The following PRKCQ variants were observed in gnomAD, a reference collection of about 807,000 sequenced individuals.
The protein encoded by PRKCQ is protein kinase C theta.
PRKCQ carries 41 observed loss-of-function variants against 91.2 expected under a neutral mutation model. The observed-to-expected ratio is 0.45, with a 90% CI of 0.35 to 0.58. The LOEUF (loss-of-function observed/expected upper bound fraction) is 0.58. Ranked by LOEUF, PRKCQ falls within the 20% of genes least tolerant of loss-of-function variation. The pLI is 0.00. For synonymous variants in PRKCQ, 307 were observed against 316.9 expected, an observed-to-expected ratio of 0.97 and a Z score of 0.33; for missense variants, 673 against 896.5, an observed-to-expected ratio of 0.75 and a Z score of 3.18.
At chr10:6,443,063 G>A (rs565254234) in intron 15 of PRKCQ, among the ~76,000 whole-genome samples, 1 of 152,316 alleles carries the variant, frequency 6.6e-6, no homozygotes, top group East Asian at 1.9e-4. Context: ...TGTTAGGGAG[G>A]AGGATTTAAA....
the PRKCQ span, among the ~76,000 whole-genome samples, chr10:6,400,279 ACTGT>A: frequency 6.6e-6 from 1 of 152,138 alleles, no homozygotes; most frequent in Non-Finnish European, 1.5e-5. Context: ...TTTGTGATTT[ACTGT>A]CTGTCTTCCT....
chr10:6,561,020 CAG>C (rs1840609029), intron 1 of PRKCQ, among the ~76,000 whole-genome samples: 1 of 138,808 alleles, frequency 7.2e-6, no homozygotes. Context: ...GCCTGGGCGA[CAG>C]AGGGAGACTC....
chr10:6,514,258 T>C (rs544126978), intron 2 of PRKCQ, among the ~76,000 whole-genome samples: 1 of 152,158 alleles, frequency 6.6e-6, no homozygotes, highest in Non-Finnish European at 1.5e-5. Flanking sequence ...TCAGGAGAGT[T>C]GTGGGATCTA....
At chr10:6,459,456 T>C (rs1294048838) in intron 14 of PRKCQ, among the ~76,000 whole-genome samples, 1 of 152,140 alleles carries the variant, frequency 6.6e-6, no homozygotes, top group East Asian at 1.9e-4. Flanking sequence ...ATATCAGCTG[T>C]ATGGGTGGAA....
chr10:6,467,399 G>GAGAC (rs1835739535), intron 12 of PRKCQ, among the ~76,000 whole-genome samples: 1 of 95,336 alleles, frequency 1.0e-5, no homozygotes, highest in African/African-American at 3.4e-5. Context: ...CAGAGAGAGA[G>GAGAC]AGAGAGAGAG....
intron 1 of PRKCQ, among the ~76,000 whole-genome samples, chr10:6,526,926 G>A (rs1241911190): frequency 6.6e-6 from 1 of 152,184 alleles, no homozygotes. Context: ...GATGGTCGGA[G>A]GGCACCAGCA....
chr10:6,577,994 T>A (rs757364588), intron 1 of PRKCQ, among the ~76,000 whole-genome samples: 14 of 152,218 alleles, frequency 9.2e-5, no homozygotes, highest in Non-Finnish European at 1.8e-4. Context: ...GAGAAGAATT[T>A]AGTCTTTTCC....
At chr10:6,568,673 T>A (rs1840923638) in intron 1 of PRKCQ, among the ~76,000 whole-genome samples, 2 of 152,144 alleles carry the variant, frequency 1.3e-5, no homozygotes, top group South Asian at 4.2e-4. Context: ...AATTTTTTTG[T>A]ATTTTTAGTA....
At chr10:6,489,446 G>A (rs368271815) in intron 8 of PRKCQ, 3 of 532,196 alleles carry the variant, frequency 5.6e-6, no homozygotes, top group Non-Finnish European at 1.2e-5. Flanking sequence ...CCCTTTGGAT[G>A]ACTATTTTCT....
At chr10:6,408,046 G>GTTTTTTTT in the PRKCQ span, among the ~76,000 whole-genome samples, 6 of 84,228 alleles carry the variant, frequency 7.1e-5, no homozygotes, top group Admixed American at 1.4e-4. Flanking sequence ...TCTTGTGTCA[G>GTTTTTTTT]TTTTTTTTTT....
intron 4 of PRKCQ, among the ~76,000 whole-genome samples, chr10:6,506,415 T>C (rs764735771): frequency 1.2e-4 from 18 of 152,232 alleles, no homozygotes; most frequent in Non-Finnish European, 1.8e-4. Flanking sequence ...TTATTTTATC[T>C]AAAATATTTC....
intron 1 of PRKCQ, among the ~76,000 whole-genome samples, chr10:6,568,431 C>A (rs1026488834): frequency 4.0e-5 from 6 of 150,674 alleles, no homozygotes; most frequent in Non-Finnish European, 8.9e-5. Flanking sequence ...TTGCCTCATT[C>A]TTTTGCTTAT....
the PRKCQ span, among the ~76,000 whole-genome samples, chr10:6,399,649 T>C: frequency 1.3e-5 from 2 of 152,112 alleles, no homozygotes; most frequent in Admixed American, 1.3e-4. Context: ...ATCATGTGGC[T>C]TGAATGGCTC....
At chr10:6,532,938 AT>A (rs1164689867) in intron 1 of PRKCQ, among the ~76,000 whole-genome samples, 3 of 152,024 alleles carry the variant, frequency 2.0e-5, no homozygotes, top group African/African-American at 4.8e-5. Context: ...CTAATTTTCT[AT>A]TTTTTTCATA....
the PRKCQ span, among the ~76,000 whole-genome samples, chr10:6,400,884 G>A: frequency 6.6e-6 from 1 of 152,094 alleles, no homozygotes; most frequent in African/African-American, 2.4e-5. Context: ...AATATTGAAT[G>A]GGTACCATGT....
At chr10:6,469,956 CTT>C (rs1408872104) in intron 12 of PRKCQ, among the ~76,000 whole-genome samples, 1 of 152,210 alleles carries the variant, frequency 6.6e-6, no homozygotes, top group East Asian at 1.9e-4. Context: ...TAGTCTCCCT[CTT>C]GTCTGGTTTC....
chr10:6,566,080 T>G (rs145718767), intron 1 of PRKCQ, among the ~76,000 whole-genome samples: 3 of 152,230 alleles, frequency 2.0e-5, no homozygotes, highest in African/African-American at 7.2e-5. Flanking sequence ...CTTGACCTTT[T>G]CAGAGAAACT....
intron 1 of PRKCQ, among the ~76,000 whole-genome samples, chr10:6,532,968 C>T (rs1439297213): frequency 6.6e-6 from 1 of 152,080 alleles, no homozygotes; most frequent in Non-Finnish European, 1.5e-5. Context: ...TGAATCTAAG[C>T]TCTATGACTT....
chr10:6,498,246 C>A (rs755015001), intron 5 of PRKCQ, 150 bp downstream of exon 5: 24 of 1,001,986 alleles, frequency 2.4e-5, no homozygotes, highest in Middle Eastern at 3.3e-4. Flanking sequence ...ACCATTTGAA[C>A]CTTCTCAGTT....
Sources: allele counts gnomAD v4.1 joint callset (sites outside exome capture counted in the v4.1 genomes callset), GRCh38; gene constraint gnomAD v4.1.1; transcripts MANE v1.5; gene names NCBI Gene and HGNC (gene_info 2026-07-23, HGNC 2026-07-21).